Variants in WWTR1 observed in about 807,000 individuals in gnomAD.
WWTR1 encodes the protein WW domain-containing transcription regulator protein 1.
Under a neutral mutation model 40.1 loss-of-function variants are expected in WWTR1, and 13 were observed. The observed-to-expected ratio is 0.32, with a 90% confidence interval of 0.21 to 0.52. The LOEUF is 0.52. Among genes scored for constraint, WWTR1 ranks in the 20% least tolerant of loss-of-function variants. The pLI is 0.97. For synonymous variants in WWTR1, 230 were observed against 210.1 expected (o/e 1.09, Z -0.82); for missense variants, 436 against 523.1 (o/e 0.83, Z 1.63).
At chr3:149,601,032 T>C (rs187921581) in intron 2 of WWTR1, among the ~76,000 whole-genome samples, 112 of 152,328 alleles carry the variant, frequency 7.4e-4, no homozygotes, top group African/African-American at 2.6e-3. Flanking sequence ...GCAAGCTCTG[T>C]TTAAATTTGT....
In WWTR1 at chr3:149,670,324, G is replaced by T. The variant is rs186445423; in HGVS notation, c.-107-433C>A. ...TTCAGGGCGCAGTTCATCCAAGGTT[G>T]CTGTGGGCCTTTCCTCCTCAGGGGA... On this transcript the variant is annotated intron_variant, in intron 1 of 7. Coordinates refer to the WWTR1 transcript ENST00000465804. Among the ~76,000 whole-genome samples the T allele has an allele frequency of 5.3e-3, 813 of 152,292 alleles. 6 individuals are homozygous for T. Among genetic ancestry groups the T allele is most frequent in the Middle Eastern group, 0.017 (5 of 294 alleles).
intron 2 of WWTR1, among the ~76,000 whole-genome samples, chr3:149,601,357 C>T (rs1739233801): frequency 6.6e-6 from 1 of 152,050 alleles, no homozygotes; most frequent in Admixed American, 6.6e-5. Flanking sequence ...GCCCCCATAC[C>T]TGGCTAATTA....
At chr3:149,652,501 T>C (rs914563077) in intron 2 of WWTR1, among the ~76,000 whole-genome samples, 1 of 150,772 alleles carries the variant, frequency 6.6e-6, no homozygotes, top group East Asian at 2.0e-4. Flanking sequence ...TGCAAACCTA[T>C]AGTCGTAGTT....
At chr3:149,582,582 T>C (rs921053263) in intron 2 of WWTR1, among the ~76,000 whole-genome samples, 1 of 150,668 alleles carries the variant, frequency 6.6e-6, no homozygotes, top group Non-Finnish European at 1.5e-5. Context: ...AATCAAAATA[T>C]GAGTCGGGCG....
chr3:149,685,322 C>A (rs1714608694), intron 1 of WWTR1, among the ~76,000 whole-genome samples: 1 of 152,286 alleles, frequency 6.6e-6, no homozygotes, highest in South Asian at 2.1e-4. Flanking sequence ...TATAAGATCA[C>A]CACGCCCAAC....
intron 5 of WWTR1, among the ~76,000 whole-genome samples, chr3:149,527,197 A>G (rs6808460): frequency 0.95 from 142,355 of 149,988 alleles, 67,601 homozygotes; most frequent in East Asian, 1. Context: ...TCTTGTTGCC[A>G]AGGCTGGAGT....
At chr3:149,710,258 T>C (rs940538804) in intron 5 of WWTR1, among the ~76,000 whole-genome samples, 1 of 152,162 alleles carries the variant, frequency 6.6e-6, no homozygotes, top group African/African-American at 2.4e-5. Context: ...ATTGTATCGT[T>C]TTGGGTCAGG....
At chr3:149,542,669 A>T in intron 3 of WWTR1, 132 bp from the exon 4 acceptor site, 1 of 957,666 alleles carries the variant, frequency 1.0e-6, no homozygotes, top group Non-Finnish European at 1.5e-6. Flanking sequence ...CCTGTTAACC[A>T]TTACTGTTTA....
At chr3:149,576,397 C>G (rs1318049897) in intron 2 of WWTR1, 2 of 269,572 alleles carry the variant, frequency 7.4e-6, no homozygotes, top group Non-Finnish European at 1.5e-5. Context: ...CATCTCTGCT[C>G]CCTCTCTCAA....
At chr3:149,660,084 G>A (rs1713506542), upstream of WWTR1, 1 of 151,968 alleles carries the variant, frequency 6.6e-6, no homozygotes, top group South Asian at 2.1e-4. Flanking sequence ...CTGCCCATAG[G>A]ACTGGCAAAA....
chr3:149,578,120 G>A (rs947550385), intron 2 of WWTR1, among the ~76,000 whole-genome samples: 3 of 150,384 alleles, frequency 2.0e-5, no homozygotes, highest in Non-Finnish European at 4.4e-5. Context: ...TGAAATAACA[G>A]CACAACTCAC....
At chr3:149,668,034 T>C (rs1036533082) in intron 2 of WWTR1, among the ~76,000 whole-genome samples, 2 of 152,204 alleles carry the variant, frequency 1.3e-5, no homozygotes, top group African/African-American at 4.8e-5. Flanking sequence ...GTATAGATTG[T>C]ACAGCCTGGA....
intron 3 of WWTR1, among the ~76,000 whole-genome samples, chr3:149,562,600 GACACACACACACACACACAC>G (rs60366789): frequency 7.4e-5 from 10 of 135,882 alleles, no homozygotes; most frequent in Non-Finnish European, 1.1e-4. Context: ...TTAAAATACA[GACACACACACACACACACAC>G]ACACACACAC....
In WWTR1 at chr3:149,583,593, A is replaced by T. The variant is rs186211450; in HGVS notation, c.432-10593T>A. On this transcript the variant is annotated intron_variant, in intron 2 of 6. Coordinates refer to ENST00000360632, the MANE Select transcript of WWTR1 (RefSeq NM_015472.6). ...CAGTCCACTAGGCTTTGTGTACATTATATTATCTTTCAGTAAGCCCAATGC... is the reference window on the plus strand; with the variant it reads ...CAGTCCACTAGGCTTTGTGTACATTTTATTATCTTTCAGTAAGCCCAATGC... 2.0e-5 allele frequency among the ~76,000 whole-genome samples: 3 copies of T among 152,326 alleles called. No individual in the cohort carries two copies. The East Asian group carries it at 5.8e-4, about 29-fold the overall frequency.
chr3:149,672,465 T>C (rs1433869909), intron 1 of WWTR1, among the ~76,000 whole-genome samples: 2 of 152,280 alleles, frequency 1.3e-5, no homozygotes, highest in Non-Finnish European at 2.9e-5. Context: ...GAACAAATTG[T>C]GGGAGCCAGG....
At chr3:149,610,640 T>C (rs1372141595) in intron 2 of WWTR1, among the ~76,000 whole-genome samples, 1 of 152,182 alleles carries the variant, frequency 6.6e-6, no homozygotes, top group African/African-American at 2.4e-5. Context: ...CCTCTCTTTC[T>C]AGCAGGGCAG....
chr3:149,700,973 T>C (rs1261816868), intron 1 of WWTR1, among the ~76,000 whole-genome samples: 1 of 152,226 alleles, frequency 6.6e-6, no homozygotes, highest in Non-Finnish European at 1.5e-5. Flanking sequence ...GAGCAGTGAT[T>C]GTTTTGGATA....
intron 2 of WWTR1, among the ~76,000 whole-genome samples, chr3:149,638,351 T>C (rs1438116531): frequency 3.9e-5 from 6 of 152,018 alleles, no homozygotes; most frequent in Admixed American, 3.9e-4. Context: ...CCAAAAAAAA[T>C]CACTGCTGTA....
chr3:149,542,584 C>T (rs754470856), intron 3 of WWTR1, 47 bp from the exon 4 acceptor site: 1 of 1,533,266 alleles, frequency 6.5e-7, no homozygotes, highest in Non-Finnish European at 8.8e-7. Flanking sequence ...GCCCACAATA[C>T]CTTATCAAAA....
Sources: gnomAD v4.1 joint callset for allele counts (sites outside exome capture counted in the v4.1 genomes callset) on GRCh38, gnomAD v4.1.1 for gene constraint, MANE v1.5 for transcripts, NCBI Gene and HGNC (gene_info 2026-07-23, HGNC 2026-07-21) for gene names.